The following UCHL5 variants were observed in gnomAD, a reference collection of about 807,000 sequenced individuals.
The protein encoded by UCHL5 is ubiquitin carboxyl-terminal hydrolase isozyme L5.
In UCHL5, 34 loss-of-function variants were observed where a neutral mutation model predicts 53.8. The observed-to-expected ratio is 0.63, with a 90% CI of 0.48 to 0.84. The LOEUF (loss-of-function observed/expected upper bound fraction) is 0.84. UCHL5 is among the 40% of genes least tolerant of loss of function. The probability of loss-of-function intolerance (pLI) is 0.00; values close to 1 mark genes in which losing one functional copy is unlikely to be tolerated. For synonymous variants in UCHL5, 111 were observed against 126.3 expected, an observed-to-expected ratio of 0.88 and a Z score of 0.81; for missense variants, 290 against 385.6, an observed-to-expected ratio of 0.75 and a Z score of 2.08.
At chr1:193,030,859 T>C (rs979464858) in intron 3 of UCHL5, among the ~76,000 whole-genome samples, 17 of 152,148 alleles carry the variant, frequency 1.1e-4, no homozygotes, top group African/African-American at 3.6e-4. Flanking sequence ...TCCTGAACTG[T>C]TGACTGAAGT....
intron 3 of UCHL5, among the ~76,000 whole-genome samples, chr1:193,035,969 C>T (rs1360475966): frequency 6.6e-6 from 1 of 151,534 alleles, no homozygotes; most frequent in Non-Finnish European, 1.5e-5. Flanking sequence ...TTCATGGTAA[C>T]CGCAATGCAA....
chr1:193,047,467 A>G (rs547653089), intron 3 of UCHL5, among the ~76,000 whole-genome samples: 3 of 152,322 alleles, frequency 2.0e-5, no homozygotes, highest in Non-Finnish European at 2.9e-5. Context: ...AATTTCTCTA[A>G]GAATACTCAA....
chr1:193,059,817 G>A (rs755273637), upstream of UCHL5: 53 of 1,357,082 alleles, frequency 3.9e-5, no homozygotes, highest in African/African-American at 1.5e-4. The surrounding 1 kb of genome is among the most constrained non-coding windows in gnomAD (Gnocchi z 4.9). Flanking sequence ...CCTTTTGTGC[G>A]GCCCCAGGGA....
chr1:193,016,762 A>G (rs142833927), intron 10 of UCHL5, among the ~76,000 whole-genome samples: 1,689 of 151,934 alleles, frequency 0.011, 16 homozygotes, highest in South Asian at 0.034. Context: ...CATAAGAAAA[A>G]TCTTACATTA....
At chr1:193,029,982 T>A (rs1660770284) in intron 3 of UCHL5, among the ~76,000 whole-genome samples, 2 of 152,184 alleles carry the variant, frequency 1.3e-5, no homozygotes, top group Admixed American at 1.3e-4. Flanking sequence ...CCTCTCCTAT[T>A]CATTTCCTCC....
chr1:193,028,160 T>C lies in UCHL5; in HGVS notation c.566-12A>G. Reference sequence around the variant, plus strand: ...TTGATTGCATGCACCTAGAAAGAAATTTTAAAACAGTTAACACAAATAAAA... The same window carrying C: ...TTGATTGCATGCACCTAGAAAGAAACTTTAAAACAGTTAACACAAATAAAA... On this transcript the variant is annotated splice_polypyrimidine_tract_variant and intron_variant, in intron 6 of 10. Transcript: ENST00000367454. 1.3e-6 allele frequency: 2 copies of C among 1,580,032 alleles called. No individual in the cohort carries two copies. The highest frequency in any genetic ancestry group is 1.7e-6 in the Non-Finnish European group (2 of 1,166,418).
At chr1:193,056,687 A>C (rs139566153) in intron 1 of UCHL5, among the ~76,000 whole-genome samples, 1,784 of 152,316 alleles carry the variant, frequency 0.012, 18 homozygotes, top group South Asian at 0.034. Flanking sequence ...TTTCCCTTTC[A>C]ATGATGGAAC....
At chr1:193,055,303 G>C (rs1186627652) in intron 1 of UCHL5, among the ~76,000 whole-genome samples, 1 of 152,096 alleles carries the variant, frequency 6.6e-6, no homozygotes, top group African/African-American at 2.4e-5. Flanking sequence ...GTCCCTAAAG[G>C]CAAAAGTTGA....
chr1:193,046,232 T>C (rs1667287966), intron 3 of UCHL5, among the ~76,000 whole-genome samples: 1 of 150,400 alleles, frequency 6.6e-6, no homozygotes, highest in South Asian at 2.1e-4. Context: ...GGTCGCCCTA[T>C]ATCGCCCAGG....
intron 1 of UCHL5, among the ~76,000 whole-genome samples, chr1:193,055,462 G>A (rs780314526): frequency 6.6e-6 from 1 of 152,174 alleles, no homozygotes; most frequent in Non-Finnish European, 1.5e-5. Context: ...ATGTGAAAAT[G>A]AATCTCCTGC....
intron 3 of UCHL5, among the ~76,000 whole-genome samples, chr1:193,046,075 A>C (rs1165933275): frequency 6.6e-6 from 1 of 151,712 alleles, no homozygotes; most frequent in Non-Finnish European, 1.5e-5. Context: ...TCTGCTGACC[A>C]GGCTGGAGTA....
intron 3 of UCHL5, among the ~76,000 whole-genome samples, chr1:193,047,389 AC>A (rs1455747008): frequency 2.0e-5 from 3 of 152,152 alleles, no homozygotes; most frequent in Non-Finnish European, 4.4e-5. Context: ...CAGAAAAAAA[AC>A]AAATGATACA....
chr1:193,036,891 G>A (rs1272811283), intron 3 of UCHL5, among the ~76,000 whole-genome samples: 3 of 151,614 alleles, frequency 2.0e-5, no homozygotes, highest in Non-Finnish European at 4.4e-5. Flanking sequence ...TAAACAACAT[G>A]TTACTAAATG....
Position 193,046,196 on chromosome 1 carries a change from T to G in UCHL5, c.246+3550A>C, listed in dbSNP as rs372359681. Among the ~76,000 whole-genome samples the G allele has an allele frequency of 2.0e-5, 3 of 148,708 alleles. No homozygotes were observed. In the East Asian group the frequency reaches 5.9e-4, roughly 29 times the overall value. On this transcript the variant is annotated intron_variant, in intron 3 of 10. Transcript: ENST00000367454. ...ACAGGCGTGTGCTACCAAGTCTGGC[T>G]AACTTTTTATTTTTTTTAGAGACAG...
chr1:193,018,408 T>C, intron 10 of UCHL5: 1 of 596,640 alleles, frequency 1.7e-6, no homozygotes, highest in South Asian at 7.5e-5. Context: ...ACAAATGTAA[T>C]CTTAAACTAG....
In UCHL5 at chr1:193,049,769, C is replaced by G. The variant is rs778080751; in HGVS notation, c.223G>C (p.Asp75His). 3 of 1,611,246 alleles carry G rather than the reference C, an allele frequency of 1.9e-6. No individual in the cohort carries two copies. In the Admixed American group the frequency reaches 5.0e-5, roughly 27 times the overall value. Reference sequence around the variant, plus strand: ...ACCTGCTTAGCAAAAAATATCGTGTCAAGTCGGGAGTCCTGAACCACAGAG... The same window carrying G: ...ACCTGCTTAGCAAAAAATATCGTGTGAAGTCGGGAGTCCTGAACCACAGAG... Reference protein sequence around the residue: ...AGSVVQDSRLDTIFFAKQVIN... With the variant: ...AGSVVQDSRLHTIFFAKQVIN... Residue 75 changes from aspartate (D) to histidine (H), a missense_variant, in exon 3 of 11, where the codon GAC (aspartate) becomes CAC (histidine). Asp to His is a moderately conservative substitution (Grantham distance 81, BLOSUM62 -1). Transcript: ENST00000367454.
chr1:193,037,415 A>G (rs746122426), intron 3 of UCHL5, among the ~76,000 whole-genome samples: 1 of 152,130 alleles, frequency 6.6e-6, no homozygotes, highest in Non-Finnish European at 1.5e-5. Flanking sequence ...GATACATACA[A>G]CCTACCAAGA....
rs1376453917 is a variant in UCHL5 at position 193,013,816 on chromosome 1, CCCGTGGTTGTGATTCCCGAGCAAATATTT to C, written c.*2506_*2534del. ...ATGGTCCTAACTGGGGGAGCAAGTC[CCCGTGGTTGTGATTCCCGAGCAAATATTT>C]GTCTGTTTTAGTGGCACAGTCGAGC... On this transcript the variant is annotated 3_prime_UTR_variant, in exon 11 of 11. Transcript: ENST00000367454. 1 of 152,054 alleles carries C rather than the reference CCCGTGGTTGTGATTCCCGAGCAAATATTT, an allele frequency of 6.6e-6. No homozygotes were observed. The highest frequency in any genetic ancestry group is 1.5e-5 in the Non-Finnish European group (1 of 68,008). 9.4% of individuals were successfully genotyped at this position (152,054 alleles called of 1,614,324 possible).
At chr1:193,055,686 A>G (rs1459135407) in intron 1 of UCHL5, among the ~76,000 whole-genome samples, 1 of 152,228 alleles carries the variant, frequency 6.6e-6, no homozygotes, top group Non-Finnish European at 1.5e-5. Context: ...ATGGTGCATT[A>G]CATTGATTTT....
Sources: allele counts gnomAD v4.1 joint callset (sites outside exome capture counted in the v4.1 genomes callset), GRCh38; gene constraint gnomAD v4.1.1; non-coding constraint Gnocchi (gnomAD v3.1); transcripts MANE v1.5; gene names NCBI Gene and HGNC (gene_info 2026-07-23, HGNC 2026-07-21).